The following RASAL2 variants were observed in gnomAD, a reference collection of about 807,000 sequenced individuals.
The protein encoded by RASAL2 is ras GTPase-activating protein nGAP.
Under a neutral mutation model 128.9 loss-of-function variants are expected in RASAL2, and 58 were observed. That is an observed-to-expected ratio of 0.45 (90% confidence interval 0.36 to 0.56). The LOEUF is 0.56. RASAL2 is among the 20% of genes least tolerant of loss of function. RASAL2 has a pLI of 0.00. For missense variants in RASAL2, 1,360 were observed against 1,601.6 expected (o/e 0.85, Z 2.57); for synonymous variants, 561 against 580.8 (o/e 0.97, Z 0.49).
intron 14 of RASAL2, among the ~76,000 whole-genome samples, chr1:178,462,371 G>A (rs1678262551): frequency 6.6e-6 from 1 of 152,122 alleles, no homozygotes; most frequent in Non-Finnish European, 1.5e-5. Context: ...AGCATCTGTT[G>A]TGTATTTAAC....
chr1:178,470,215 T>G (rs1648128764), intron 17 of RASAL2, among the ~76,000 whole-genome samples: 1 of 152,196 alleles, frequency 6.6e-6, no homozygotes, highest in Non-Finnish European at 1.5e-5. Context: ...GGGTGAAAGC[T>G]TCCCAGAGAA....
At chr1:178,234,457 G>T (rs1664143373) in intron 1 of RASAL2, among the ~76,000 whole-genome samples, 1 of 152,096 alleles carries the variant, frequency 6.6e-6, no homozygotes, top group Non-Finnish European at 1.5e-5. Flanking sequence ...ATAGAAATTT[G>T]TGTTTGATTC....
rs145475575 is a variant in RASAL2, at chr1:178,286,701, C to T, written c.330+3010C>T. On this transcript the variant is annotated intron_variant, in intron 2 of 17. Coordinates refer to ENST00000367649, the MANE Select transcript of RASAL2 (RefSeq NM_170692.4). Reference sequence around the variant, plus strand: ...TGCTGGGATTATAGGCGTGGGCCACCGTGCCCGGCCTGTAGTCATCTTCTA... The same window carrying T: ...TGCTGGGATTATAGGCGTGGGCCACTGTGCCCGGCCTGTAGTCATCTTCTA... Among the ~76,000 whole-genome samples the T allele has an allele frequency of 1.2e-3, 180 of 152,328 alleles. 2 individuals carry two copies. In the East Asian group the frequency reaches 0.02, roughly 17 times the overall value.
At chr1:178,267,352 T>G (rs1198891294) in intron 1 of RASAL2, among the ~76,000 whole-genome samples, 1 of 152,160 alleles carries the variant, frequency 6.6e-6, no homozygotes, top group Admixed American at 6.5e-5. Flanking sequence ...AGCTATCACA[T>G]AAAACCATTC....
chr1:178,387,496 G>A lies in RASAL2; in HGVS notation c.458-2604G>A, dbSNP rs1303073643. Among the ~76,000 whole-genome samples the A allele has an allele frequency of 2.0e-5, 3 of 151,902 alleles. No individual in the cohort carries two copies. The East Asian group carries it at 5.8e-4, about 29-fold the overall frequency. On this transcript the variant is annotated intron_variant, in intron 3 of 17. Coordinates refer to ENST00000367649, the MANE Select transcript of RASAL2 (RefSeq NM_170692.4). ...CCATTAATTCATCATTTAGCATTAG[G>A]TATATCTCCTAATGTTATCCTTCCC... is the stretch of plus-strand genomic sequence containing the variant.
intron 4 of RASAL2, among the ~76,000 whole-genome samples, chr1:178,393,484 G>A (rs1673036379): frequency 6.6e-6 from 1 of 152,140 alleles, no homozygotes; most frequent in Admixed American, 6.5e-5. Context: ...CTGACAGGAG[G>A]CAGAGCTCAG....
intron 2 of RASAL2, among the ~76,000 whole-genome samples, chr1:178,285,144 C>T (rs1362198697): frequency 1.3e-4 from 15 of 116,430 alleles, no homozygotes; most frequent in African/African-American, 3.4e-4. Flanking sequence ...GACGGAGTCT[C>T]GCTCTGTCAC....
chr1:178,201,229 G>A (rs553934118), intron 1 of RASAL2, among the ~76,000 whole-genome samples: 1 of 152,188 alleles, frequency 6.6e-6, no homozygotes, highest in Non-Finnish European at 1.5e-5. Context: ...TAGGGATTCT[G>A]CATTTATGTG....
intron 1 of RASAL2, among the ~76,000 whole-genome samples, chr1:178,168,877 A>G (rs1319209712): frequency 6.6e-6 from 1 of 152,056 alleles, no homozygotes; most frequent in African/African-American, 2.4e-5. Flanking sequence ...TAATTTTAAT[A>G]TGTTTTTGAA....
intron 1 of RASAL2, among the ~76,000 whole-genome samples, chr1:178,186,265 C>T (rs1662291940): frequency 6.6e-6 from 1 of 151,048 alleles, no homozygotes. Flanking sequence ...TATCTTCTCT[C>T]CTTTTTATTT....
chr1:178,337,082 A>G (rs1180440457), intron 3 of RASAL2, among the ~76,000 whole-genome samples: 2 of 119,590 alleles, frequency 1.7e-5, no homozygotes, highest in African/African-American at 6.5e-5. Context: ...GCCATTCCAG[A>G]AAAAAAAAAT....
At chr1:178,356,797 G>A (rs560967046) in intron 3 of RASAL2, among the ~76,000 whole-genome samples, 137 of 151,914 alleles carry the variant, frequency 9.0e-4, no homozygotes, top group African/African-American at 3.1e-3. Flanking sequence ...TTGCTATGGC[G>A]GTATTATAAT....
intron 11 of RASAL2, 109 bp downstream of exon 11, chr1:178,452,761 C>T: frequency 2.3e-6 from 2 of 860,696 alleles, no homozygotes; most frequent in East Asian, 4.9e-5. Context: ...CAGATTTTCA[C>T]TGTGTTATTA....
chr1:178,453,667 T>G (rs1244014556), intron 11 of RASAL2, among the ~76,000 whole-genome samples: 6 of 152,102 alleles, frequency 3.9e-5, no homozygotes, highest in Admixed American at 3.3e-4. Context: ...CTTTTTTCAG[T>G]AAGTTTATGA....
intron 1 of RASAL2, among the ~76,000 whole-genome samples, chr1:178,212,113 G>C (rs1663274912): frequency 6.6e-6 from 1 of 152,034 alleles, no homozygotes; most frequent in Non-Finnish European, 1.5e-5. Context: ...CTAGGATTCT[G>C]GTAGATGTAG....
intron 10 of RASAL2, 26 bp downstream of exon 10, chr1:178,451,741 AC>A (rs1197805290): frequency 2.5e-6 from 4 of 1,602,092 alleles, no homozygotes; most frequent in Non-Finnish European, 3.4e-6. Flanking sequence ...CCTCTGCCTT[AC>A]ATTTTTTCAT....
chr1:178,310,593 T>C (rs1289376112), intron 3 of RASAL2, among the ~76,000 whole-genome samples: 1 of 152,182 alleles, frequency 6.6e-6, no homozygotes, highest in Non-Finnish European at 1.5e-5. Flanking sequence ...TTTTTTTCGA[T>C]TGGGACATCA....
At chr1:178,350,858 T>G (rs957725882) in intron 3 of RASAL2, among the ~76,000 whole-genome samples, 2 of 152,192 alleles carry the variant, frequency 1.3e-5, no homozygotes, top group African/African-American at 4.8e-5. Flanking sequence ...AGTTCATTCT[T>G]GCATTGCTAC....
chr1:178,226,717 C>G (rs1168636014), intron 1 of RASAL2, among the ~76,000 whole-genome samples: 4 of 152,164 alleles, frequency 2.6e-5, no homozygotes, highest in African/African-American at 7.2e-5. Context: ...GCGGCCGAGG[C>G]AGGCAGATCA....
Sources: gnomAD v4.1 joint callset for allele counts (sites outside exome capture counted in the v4.1 genomes callset) on GRCh38, gnomAD v4.1.1 for gene constraint, MANE v1.5 for transcripts, NCBI Gene and HGNC (gene_info 2026-07-23, HGNC 2026-07-21) for gene names.